PCDHGB5: variants seen among roughly 807,000 people sequenced by gnomAD.
PCDHGB5 encodes protocadherin gamma subfamily B, 5.
A neutral mutation model predicts 62.9 loss-of-function variants in PCDHGB5; 48 were observed. The ratio of observed to expected loss-of-function variants is 0.76; its 90% CI spans 0.61 to 0.97. PCDHGB5 has a LOEUF of 0.97. Among genes scored for constraint, PCDHGB5 ranks in the 50% least tolerant of loss-of-function variants. The probability of loss-of-function intolerance (pLI) is 0.00; values close to 1 mark genes in which losing one functional copy is unlikely to be tolerated. For missense variants in PCDHGB5, 1,118 were observed against 1,198.6 expected (o/e 0.93, Z 0.99); for synonymous variants, 474 against 511.2 (o/e 0.93, Z 0.98).
In PCDHGB5 at chr5:141,432,177, CTG is replaced by C. The variant is rs769631339; in HGVS notation, c.2397+31656_2397+31657del. 4 of 1,614,102 alleles carry C rather than the reference CTG, an allele frequency of 2.5e-6. No homozygotes were observed. Among genetic ancestry groups the C allele is most frequent in the Admixed American group, 1.7e-5 (1 of 60,012 alleles). ...AATCCCAGAGGAGTTTCCCTCGTCT[CTG>C]TGACCGCCCACGACCCCGACTGTGA... On this transcript the variant is annotated intron_variant, in intron 1 of 3. Transcript: ENST00000617380. The surrounding 1 kb of genome is among the most constrained non-coding windows in gnomAD (Gnocchi z 6.0).
intron 1 of PCDHGB5, chr5:141,418,495 G>T (rs745982190): frequency 6.2e-7 from 1 of 1,613,974 alleles, no homozygotes; most frequent in South Asian, 1.1e-5. Context: ...ACTTGGTACT[G>T]ACCGCCTTAG....
chr5:141,436,555 G>A (rs562422182), intron 1 of PCDHGB5, among the ~76,000 whole-genome samples: 1 of 152,252 alleles, frequency 6.6e-6, no homozygotes, highest in South Asian at 2.1e-4. Flanking sequence ...TTGAGCTTCA[G>A]CAAAGTAGGA....
Position 141,432,562 on chromosome 5 carries a change from C to G in PCDHGB5, c.2397+32038C>G. On this transcript the variant is annotated intron_variant, in intron 1 of 3. Coordinates refer to ENST00000617380, the MANE Select transcript of PCDHGB5 (RefSeq NM_018925.3). The surrounding 1 kb of genome is among the most constrained non-coding windows in gnomAD (Gnocchi z 6.0). ...CGGTGGACAGAGACTCCGGCCAGAA[C>G]GCCTGGCTGTCCTACCGTCTGCTCA... 1 of 1,613,964 alleles carries G rather than the reference C, an allele frequency of 6.2e-7. No homozygotes were observed. Among genetic ancestry groups the G allele is most frequent in the Non-Finnish European group, 8.5e-7 (1 of 1,180,004 alleles).
At chr5:141,421,616 AC>A in intron 1 of PCDHGB5, 1 of 1,613,792 alleles carries the variant, frequency 6.2e-7, no homozygotes, top group Non-Finnish European at 8.5e-7. Context: ...ATTAATGATA[AC>A]GCCCCCAGCT....
chr5:141,413,453 G>A lies in PCDHGB5; in HGVS notation c.2397+12929G>A, dbSNP rs761986113. 1.9e-5 allele frequency: 31 copies of A among 1,613,986 alleles called. 2 individuals carry two copies. In the South Asian group the frequency reaches 3.1e-4, roughly 16 times the overall value. On this transcript the variant is annotated intron_variant, in intron 1 of 3. Coordinates refer to ENST00000617380, the MANE Select transcript of PCDHGB5 (RefSeq NM_018925.3). ...AGCGGCAGCTTGATCACCGCGGGCA[G>A]GATAGACCGGGAGGAGCTCTGCGCT...
intron 1 of PCDHGB5, among the ~76,000 whole-genome samples, chr5:141,450,682 T>C (rs112841569): frequency 0.042 from 6,384 of 151,996 alleles, 168 homozygotes; most frequent in Middle Eastern, 0.086. Context: ...AAACGGGGTT[T>C]TGCCATGTTG....
chr5:141,494,812 C>G lies in PCDHGB5; in HGVS notation c.2403C>G (p.Ala801=). The part of the protein sequence containing the change: ...SESTSHPELQ[A]PPNTDWRFSQ... ...TCCCTCTGTTTTCTCCACAGCAAGCCCCGCCCAACACGGACTGGCGTTTCT... is the reference window on the plus strand; with the variant it reads ...TCCCTCTGTTTTCTCCACAGCAAGCGCCGCCCAACACGGACTGGCGTTTCT... The change falls in exon 2 of 4, where the codon GCC becomes GCG. Residue 801 remains alanine, a synonymous_variant. Coordinates refer to ENST00000617380, the MANE Select transcript of PCDHGB5 (RefSeq NM_018925.3). 4 of 1,614,146 alleles carry G rather than the reference C, an allele frequency of 2.5e-6. No homozygotes were observed. The highest frequency in any genetic ancestry group is 3.4e-6 in the Non-Finnish European group (4 of 1,180,016).
chr5:141,402,209 T>A (rs2094239307), intron 1 of PCDHGB5, among the ~76,000 whole-genome samples: 1 of 152,084 alleles, frequency 6.6e-6, no homozygotes, highest in Non-Finnish European at 1.5e-5. Context: ...AATACAAAAA[T>A]TTAAAATAAA....
intron 1 of PCDHGB5, among the ~76,000 whole-genome samples, chr5:141,460,454 T>C (rs1010186960): frequency 6.6e-6 from 1 of 152,194 alleles, no homozygotes; most frequent in Admixed American, 6.6e-5. Context: ...TGAAGATTCA[T>C]ATTTTTTTCC....
intron 1 of PCDHGB5, chr5:141,407,989 T>C: frequency 1.2e-6 from 1 of 833,618 alleles, no homozygotes; most frequent in Non-Finnish European, 1.8e-6. Context: ...TCCGTCAGCC[T>C]CTGGCCTGGG....
Position 141,399,054 on chromosome 5 carries a change from G to T in PCDHGB5, c.927G>T (p.Lys309Asn), listed in dbSNP as rs76381401. The change falls in exon 1 of 4, where the codon AAG becomes AAT. Residue 309 changes from lysine to asparagine, a missense_variant. This residue lies in a region of PCDHGB5 where 1,034 missense variants were observed against 1,029.1 expected (regional missense o/e 1.00). Coordinates refer to ENST00000617380, the MANE Select transcript of PCDHGB5 (RefSeq NM_018925.3). ...TQKKLDFEET[K>N]EYSMVVEGRD... Reference sequence around the variant, plus strand: ...AGAAACTGGATTTTGAAGAGACCAAGGAATATTCAATGGTTGTAGAAGGGA... The same window carrying T: ...AGAAACTGGATTTTGAAGAGACCAATGAATATTCAATGGTTGTAGAAGGGA... 6.2e-7 allele frequency: 1 copy of T among 1,613,694 alleles called. No individual in the cohort carries two copies. The highest frequency in any genetic ancestry group is 1.1e-5 in the South Asian group (1 of 91,076).
chr5:141,398,694 T>A lies in PCDHGB5; in HGVS notation c.567T>A (p.Ser189Arg). The change falls in exon 1 of 4, where the codon AGT (serine) becomes AGA (arginine). Residue 189 changes from serine to arginine, a missense_variant. Around this residue, in one of 2 missense-constraint regions of PCDHGB5, gnomAD observed 1,034 missense variants for 1,029.1 expected, o/e 1.00. Coordinates refer to ENST00000617380, the MANE Select transcript of PCDHGB5 (RefSeq NM_018925.3). ...SLIIKEKQDG[S>R]KYPELALEKT... ...TAATTAAGGAGAAACAGGATGGTAG[T>A]AAATACCCGGAACTGGCACTGGAGA... The A allele has an allele frequency of 6.2e-7, 1 of 1,613,868 alleles. No individual in the cohort carries two copies. Among genetic ancestry groups the A allele is most frequent in the Non-Finnish European group, 8.5e-7 (1 of 1,179,876 alleles).
At chr5:141,408,819 G>A in intron 1 of PCDHGB5, 1 of 1,613,520 alleles carries the variant, frequency 6.2e-7, no homozygotes, top group Non-Finnish European at 8.5e-7. Context: ...GAAGAACAGA[G>A]ATCTCATAGC....
At chr5:141,400,608 A>G in intron 1 of PCDHGB5, 84 bp downstream of exon 1, 1 of 1,580,872 alleles carries the variant, frequency 6.3e-7, no homozygotes, top group Admixed American at 1.7e-5. Flanking sequence ...TTTCAAGTCC[A>G]ATGAGTTGTC....
chr5:141,470,860 T>G (rs2099242265), intron 1 of PCDHGB5, among the ~76,000 whole-genome samples: 1 of 151,788 alleles, frequency 6.6e-6, no homozygotes, highest in South Asian at 2.1e-4. Context: ...GATAAGTTTT[T>G]TGTTTGTTTG....
intron 1 of PCDHGB5, chr5:141,428,732 T>C (rs976924838): frequency 1.3e-5 from 2 of 159,284 alleles, no homozygotes; most frequent in African/African-American, 4.8e-5. Context: ...CTTAAACATA[T>C]TATATCTACT....
At position 141,476,356 on chromosome 5, in the gene PCDHGB5, C is replaced by T. The variant is rs757679991; in HGVS notation, c.2398-18451C>T. The stretch of plus-strand genomic sequence containing the variant: ...CTAGCCGAAGATTCTTTGAGGTGAA[C>T]CGGGAGACCGGAGAGATGTTTGTGA... On this transcript the variant is annotated intron_variant, in intron 1 of 3. Coordinates refer to ENST00000617380, the MANE Select transcript of PCDHGB5 (RefSeq NM_018925.3). This position sits in a 1 kb window ranked among gnomAD's most constrained non-coding sequence, Gnocchi z 7.6. 6 of 1,613,958 alleles carry T rather than the reference C, an allele frequency of 3.7e-6. No individual in the cohort carries two copies. The African/African-American group carries it at 4.0e-5, about 11-fold the overall frequency.
At chr5:141,483,648 T>TTGTGTGTGTGTGTG (rs111458813) in intron 1 of PCDHGB5, among the ~76,000 whole-genome samples, 2 of 149,592 alleles carry the variant, frequency 1.3e-5, no homozygotes, top group Non-Finnish European at 3.0e-5. Context: ...GGGTGTGTGT[T>TTGTGTGTGTGTGTG]TGTGTGTGTG....
At chr5:141,427,153 T>C (rs2096993361) in intron 1 of PCDHGB5, 1 of 456,886 alleles carries the variant, frequency 2.2e-6, no homozygotes, top group Non-Finnish European at 4.4e-6. Context: ...GGAAATATGT[T>C]TGTGCTAGAC....
Sources: gnomAD v4.1 joint callset for allele counts (sites outside exome capture counted in the v4.1 genomes callset) on GRCh38, gnomAD v4.1.1 for gene constraint, gnomAD v4.1.1 regional missense constraint, Gnocchi (gnomAD v3.1) non-coding constraint, MANE v1.5 for transcripts, NCBI Gene and HGNC (gene_info 2026-07-23, HGNC 2026-07-21) for gene names.